SHANK2: variants seen among roughly 807,000 people sequenced by gnomAD.
The protein encoded by SHANK2 is SH3 and multiple ankyrin repeat domains 2, also known as SH3 and multiple ankyrin repeat domains protein 2.
In SHANK2, 43 loss-of-function variants were observed where a neutral mutation model predicts 133.7. That is an observed-to-expected ratio of 0.32 (90% CI 0.25 to 0.41). The LOEUF (loss-of-function observed/expected upper bound fraction) is 0.41, where lower values mean the gene tolerates loss of function less well. SHANK2 is among the 10% of genes least tolerant of loss of function. The pLI is 1.00. For synonymous variants in SHANK2, 1,017 were observed against 952.8 expected, an observed-to-expected ratio of 1.07 and a Z score of -1.24; for missense variants, 1,994 against 2,235.8, an observed-to-expected ratio of 0.89 and a Z score of 2.18.
intron 2 of SHANK2, among the ~76,000 whole-genome samples, chr11:71,199,196 T>A (rs1244701076): frequency 6.6e-6 from 1 of 152,196 alleles, no homozygotes; most frequent in East Asian, 1.9e-4. Context: ...TGTGTCACTT[T>A]GAGAAAGTCA....
At chr11:70,816,373 C>CATGGGCTG (rs1318681935) in intron 12 of SHANK2, among the ~76,000 whole-genome samples, 1 of 152,230 alleles carries the variant, frequency 6.6e-6, no homozygotes, top group Non-Finnish European at 1.5e-5. Context: ...GGTTGCTCAG[C>CATGGGCTG]ATGGGCTGAT....
intron 17 of SHANK2, among the ~76,000 whole-genome samples, chr11:70,618,296 GAAAAA>G (rs33915522): frequency 8.9e-6 from 1 of 112,140 alleles, no homozygotes; most frequent in Non-Finnish European, 1.8e-5. Context: ...CTCGGTCTCA[GAAAAA>G]AAAAAAAAAA....
chr11:70,483,893 T>G (rs539885458), intron 25 of SHANK2, among the ~76,000 whole-genome samples: 1 of 152,258 alleles, frequency 6.6e-6, no homozygotes, highest in Non-Finnish European at 1.5e-5. Flanking sequence ...CCAAGTCATT[T>G]ATTTACATCC....
intron 10 of SHANK2, among the ~76,000 whole-genome samples, chr11:70,947,132 A>AACACACACAC (rs144004521): frequency 1.6e-5 from 2 of 126,534 alleles, no homozygotes; most frequent in African/African-American, 3.1e-5. Context: ...GCACCTCTCC[A>AACACACACAC]ACACACACAC....
intron 12 of SHANK2, among the ~76,000 whole-genome samples, chr11:70,810,640 C>T (rs1416233910): frequency 1.3e-5 from 2 of 152,232 alleles, no homozygotes; most frequent in Non-Finnish European, 2.9e-5. Context: ...GCTGACCTGC[C>T]CCAGCTGTGT....
chr11:70,642,941 T>C (rs1731669679), intron 17 of SHANK2, among the ~76,000 whole-genome samples: 3 of 152,202 alleles, frequency 2.0e-5, no homozygotes, highest in Non-Finnish European at 4.4e-5. Flanking sequence ...CAAGAGAAGA[T>C]TTGGAGTGTT....
intron 17 of SHANK2, among the ~76,000 whole-genome samples, chr11:70,606,524 A>G (rs970836495): frequency 6.6e-6 from 1 of 150,990 alleles, no homozygotes; most frequent in East Asian, 1.9e-4. Context: ...AAAAAAAAAA[A>G]AAAAAAAAAA....
intron 14 of SHANK2, among the ~76,000 whole-genome samples, chr11:70,756,255 C>T (rs1946870994): frequency 6.6e-6 from 1 of 152,174 alleles, no homozygotes; most frequent in Non-Finnish European, 1.5e-5. Flanking sequence ...AATGTCCAGG[C>T]TCTGATGGGA....
intron 2 of SHANK2, among the ~76,000 whole-genome samples, chr11:71,178,942 C>T (rs141232983): frequency 5.0e-4 from 76 of 152,230 alleles, no homozygotes; most frequent in Middle Eastern, 3.4e-3. Context: ...GAGGTTGCAC[C>T]ACTGCACTCC....
chr11:70,561,057 C>T (rs2059903852), intron 17 of SHANK2, among the ~76,000 whole-genome samples: 1 of 152,226 alleles, frequency 6.6e-6, no homozygotes, highest in Non-Finnish European at 1.5e-5. Flanking sequence ...AGGGCAAAGG[C>T]AATTCAACAG....
intron 3 of SHANK2, among the ~76,000 whole-genome samples, chr11:71,145,437 G>C (rs1952625695): frequency 6.6e-6 from 1 of 152,218 alleles, no homozygotes; most frequent in South Asian, 2.1e-4. Context: ...TGTCCTAGAC[G>C]GTGAAGCCAC....
intron 2 of SHANK2, among the ~76,000 whole-genome samples, chr11:71,206,263 C>A (rs1954124783): frequency 6.6e-6 from 1 of 152,220 alleles, no homozygotes; most frequent in South Asian, 2.1e-4. Flanking sequence ...TGGAACAACG[C>A]CTGCACGTGA....
intron 15 of SHANK2, among the ~76,000 whole-genome samples, chr11:70,695,143 G>C (rs1945365904): frequency 6.6e-6 from 1 of 152,272 alleles, no homozygotes; most frequent in East Asian, 1.9e-4. Context: ...ACAGGTGGGG[G>C]CCAGAGTCTG....
intron 14 of SHANK2, among the ~76,000 whole-genome samples, chr11:70,745,952 C>T (rs1453764518): frequency 1.3e-5 from 2 of 152,234 alleles, no homozygotes; most frequent in Non-Finnish European, 2.9e-5. Flanking sequence ...ACCATTTGGG[C>T]GCATTTACGG....
intron 14 of SHANK2, among the ~76,000 whole-genome samples, chr11:70,788,092 T>G (rs769215784): frequency 2.0e-5 from 3 of 152,158 alleles, no homozygotes; most frequent in African/African-American, 2.4e-5. Context: ...CTTACTCCAG[T>G]GCATACATGA....
At chr11:70,516,234 C>T (rs941582551) in intron 17 of SHANK2, among the ~76,000 whole-genome samples, 4 of 152,200 alleles carry the variant, frequency 2.6e-5, no homozygotes, top group Admixed American at 1.3e-4. Flanking sequence ...AGTTACTATA[C>T]AGCTACAGTA....
At chr11:70,561,813 G>C (rs1554980958) in intron 17 of SHANK2, among the ~76,000 whole-genome samples, 2 of 152,122 alleles carry the variant, frequency 1.3e-5, no homozygotes, top group African/African-American at 4.8e-5. Flanking sequence ...GGGATTACAG[G>C]AGTGAGCCAC....
At chr11:70,599,897 G>GAAAGAA (rs2060460835) in intron 17 of SHANK2, among the ~76,000 whole-genome samples, 1 of 89,468 alleles carries the variant, frequency 1.1e-5, no homozygotes. Context: ...GAAAAAGAAA[G>GAAAGAA]AAAGAAAGAG....
At position 70,479,958 on chromosome 11, in the gene SHANK2, T is replaced by C. The variant is rs1383068095; in HGVS notation, c.4979+5356A>G. ...TGAGTCTCCCTGCTTGTCTCCAGAA[T>C]GCAGGCCCTACACTCCCACAGCAGC... is the stretch of plus-strand genomic sequence containing the variant. On this transcript the variant is annotated intron_variant, in intron 25 of 25. Coordinates refer to ENST00000601538, the MANE Select transcript of SHANK2 (RefSeq NM_012309.5). The surrounding 1 kb of genome is among the most constrained non-coding windows in gnomAD (Gnocchi z 4.4). Among the ~76,000 whole-genome samples, 5 of 152,088 alleles carry C rather than the reference T, an allele frequency of 3.3e-5. No individual in the cohort carries two copies. Among genetic ancestry groups the C allele is most frequent in the African/African-American group, 1.2e-4 (5 of 41,402 alleles).
Sources: gnomAD v4.1 joint callset for allele counts (sites outside exome capture counted in the v4.1 genomes callset) on GRCh38, gnomAD v4.1.1 for gene constraint, Gnocchi (gnomAD v3.1) non-coding constraint, MANE v1.5 for transcripts, NCBI Gene and HGNC (gene_info 2026-07-23, HGNC 2026-07-21) for gene names.